Variants in CEP126 observed in about 807,000 individuals in gnomAD.
The protein encoded by CEP126 is centrosomal protein 126, also known as centrosomal protein of 126 kDa.
A neutral mutation model predicts 107.8 loss-of-function variants in CEP126; 74 were observed. The ratio of observed to expected loss-of-function variants is 0.69; its 90% confidence interval spans 0.57 to 0.83. The LOEUF (loss-of-function observed/expected upper bound fraction) is 0.83. Ranked by LOEUF, CEP126 falls within the 40% of genes least tolerant of loss-of-function variation. The pLI is 0.00. For missense variants in CEP126, 1,237 were observed against 1,281.9 expected (o/e 0.96, Z 0.53); for synonymous variants, 449 against 446.0 (o/e 1.01, Z -0.08).
At chr11:101,992,498 G>GAAA (rs1941397007) in intron 9 of CEP126, among the ~76,000 whole-genome samples, 1 of 151,804 alleles carries the variant, frequency 6.6e-6, no homozygotes, top group Admixed American at 6.6e-5. Flanking sequence ...GAGAAAGAAA[G>GAAA]AAAACGTAAT....
chr11:101,951,401 A>T (rs1486483980), intron 4 of CEP126, among the ~76,000 whole-genome samples: 1 of 152,040 alleles, frequency 6.6e-6, no homozygotes, highest in Non-Finnish European at 1.5e-5. Flanking sequence ...AGCTCTAGCT[A>T]CTCGAGGAGA....
rs757926755 is a variant in CEP126 at position 101,961,837 on chromosome 11, C to T, written c.802C>T (p.Leu268Phe). ...AGAGCATGAAGAAATATATTTAACA[C>T]TTAATAAGGAGCATTCCACATCCAT... ...ATEHEEIYLTLNKEHSTSIQR... is the reference protein window; with the variant it reads ...ATEHEEIYLTFNKEHSTSIQR... Residue 268 changes from leucine (L) to phenylalanine (F), a missense_variant, in exon 6 of 11, where the codon CTT becomes TTT. Physicochemically the swap from Leu to Phe is conservative, Grantham distance 22. This residue lies in a region of CEP126 where 1,134 missense variants were observed against 1,150.5 expected (regional missense o/e 0.99). Transcript: ENST00000263468. The T allele has an allele frequency of 4.5e-5, 72 of 1,610,674 alleles. No homozygotes were observed. The highest frequency in any genetic ancestry group is 6.0e-5 in the Non-Finnish European group (71 of 1,177,428).
rs2137111923 is a variant in CEP126 at position 101,962,237 on chromosome 11, C to G, written c.1202C>G (p.Ala401Gly). 6.2e-7 allele frequency: 1 copy of G among 1,613,928 alleles called. No homozygotes were observed. The highest frequency in any genetic ancestry group is 2.2e-5 in the East Asian group (1 of 44,864). Reference protein sequence around the residue: ...TMRTTDSTSGAFKRERPLVTE... With the variant: ...TMRTTDSTSGGFKRERPLVTE... ...AGGACAACTGACTCCACTTCTGGAG[C>G]ATTCAAAAGAGAGAGACCATTAGTT... is the stretch of plus-strand genomic sequence containing the variant. The change falls in exon 6 of 11, where the codon GCA (alanine) becomes GGA (glycine). Residue 401 changes from alanine (A) to glycine (G), a missense_variant. Ala to Gly is a moderately conservative substitution (Grantham distance 60, BLOSUM62 0). This residue lies in a region of CEP126 where 1,134 missense variants were observed against 1,150.5 expected (regional missense o/e 0.99). Transcript: ENST00000263468.
chr11:101,927,996 C>T (rs755844098), intron 2 of CEP126, among the ~76,000 whole-genome samples: 2 of 152,096 alleles, frequency 1.3e-5, no homozygotes, highest in Non-Finnish European at 2.9e-5. Context: ...AGAGTATAAG[C>T]GTGATCCAGC....
intron 7 of CEP126, among the ~76,000 whole-genome samples, chr11:101,980,744 GC>G (rs1278401375): frequency 1.3e-5 from 2 of 152,122 alleles, no homozygotes; most frequent in African/African-American, 2.4e-5. Flanking sequence ...ATTTTCTCCA[GC>G]CCATGACATC....
Position 101,929,391 on chromosome 11 carries a change from G to C in CEP126, c.248+6631G>C, listed in dbSNP as rs534896044. 4.6e-5 allele frequency among the ~76,000 whole-genome samples: 7 copies of C among 152,268 alleles called. No homozygotes were observed. The South Asian group carries it at 1.5e-3, about 32-fold the overall frequency. ...GACACTGCTCTAGCAGGGGAAGAAA[G>C]GATGCAGCCTCATTACAGACAGTTG... On this transcript the variant is annotated intron_variant, in intron 2 of 10. Transcript: ENST00000263468.
intron 8 of CEP126, 141 bp from the exon 9 acceptor site, chr11:101,986,691 G>T: frequency 1.7e-6 from 1 of 578,044 alleles, no homozygotes. Flanking sequence ...TGAAATCAAA[G>T]TAGCAGATAT....
intron 6 of CEP126, among the ~76,000 whole-genome samples, chr11:101,964,547 T>G (rs1229307559): frequency 6.6e-6 from 1 of 151,740 alleles, no homozygotes; most frequent in African/African-American, 2.4e-5. Flanking sequence ...GGAGAATTGC[T>G]TGAACCCAGA....
At chr11:101,945,438 A>G (rs1940721325) in intron 3 of CEP126, among the ~76,000 whole-genome samples, 1 of 152,354 alleles carries the variant, frequency 6.6e-6, no homozygotes, top group Non-Finnish European at 1.5e-5. Context: ...CAGGAATTTC[A>G]TCTTTATGCA....
intron 2 of CEP126, among the ~76,000 whole-genome samples, chr11:101,940,026 G>T (rs1940642510): frequency 6.6e-6 from 1 of 151,980 alleles, no homozygotes; most frequent in Non-Finnish European, 1.5e-5. Flanking sequence ...CTAGATAAAT[G>T]TAAATTGTTC....
At chr11:101,971,952 T>C (rs1230130117) in intron 6 of CEP126, among the ~76,000 whole-genome samples, 2 of 151,702 alleles carry the variant, frequency 1.3e-5, no homozygotes, top group African/African-American at 4.8e-5. Context: ...CTACTAAAAA[T>C]TTAAAAATTA....
intron 4 of CEP126, among the ~76,000 whole-genome samples, chr11:101,957,752 G>A (rs575993762): frequency 3.9e-4 from 60 of 152,196 alleles, no homozygotes; most frequent in Admixed American, 8.5e-4. Context: ...TAGGGTTACA[G>A]TTTTTTCCTA....
chr11:101,977,657 A>AAAAGG (rs1941207718), intron 6 of CEP126, among the ~76,000 whole-genome samples: 1 of 151,116 alleles, frequency 6.6e-6, no homozygotes, highest in African/African-American at 2.4e-5. Context: ...AAAAGAAAAG[A>AAAAGG]AAAATAATAT....
At chr11:101,960,800 GATAA>G (rs1197519356) in intron 5 of CEP126, among the ~76,000 whole-genome samples, 17 of 151,900 alleles carry the variant, frequency 1.1e-4, no homozygotes, top group Admixed American at 1.1e-3. Flanking sequence ...TAAAATGTAT[GATAA>G]ATCTTAAGGG....
chr11:101,928,850 GT>G, intron 2 of CEP126, among the ~76,000 whole-genome samples: 1 of 152,148 alleles, frequency 6.6e-6, no homozygotes, highest in East Asian at 1.9e-4. Flanking sequence ...TTTCAGAATT[GT>G]TTTAGGTGTT....
intron 9 of CEP126, among the ~76,000 whole-genome samples, chr11:101,989,488 C>G (rs1941351675): frequency 6.6e-6 from 1 of 152,178 alleles, no homozygotes; most frequent in Admixed American, 6.5e-5. Flanking sequence ...GAACCACACA[C>G]ATATTATACG....
chr11:102,000,817 G>A lies in CEP126; in HGVS notation c.*3174G>A, dbSNP rs552677695. 6.4e-4 allele frequency: 98 copies of A among 152,148 alleles called. No homozygotes were observed. Among genetic ancestry groups the A allele is most frequent in the African/African-American group, 2.1e-3 (86 of 41,522 alleles). 9.4% of individuals were successfully genotyped at this position (152,148 alleles called of 1,614,324 possible). A position where few individuals can be genotyped will look rare whatever the true frequency, so the allele number is the denominator to read the frequency against. On this transcript the variant is annotated 3_prime_UTR_variant, in exon 11 of 11. Transcript: ENST00000263468. ...AATAACTGGTCAGAAAAATTTAGAC[G>A]GTCTTCATTTTAAAATTGGCATCAG...
rs368088830 is a variant in CEP126, at chr11:101,971,568, GTTTT to G, written c.2846-6775_2846-6772del. 5.8e-3 allele frequency among the ~76,000 whole-genome samples: 870 copies of G among 151,114 alleles called. 5 individuals carry two copies. The highest frequency in any genetic ancestry group is 0.011 in the Non-Finnish European group (732 of 67,658). On this transcript the variant is annotated intron_variant, in intron 6 of 10. Coordinates refer to ENST00000263468, the MANE Select transcript of CEP126 (RefSeq NM_020802.4). ...GGTGTTGCGTTGTTTTTGTTTGTTT[GTTTT>G]TTTAGGTGGGGACTCACTGCGTTGC...
intron 2 of CEP126, among the ~76,000 whole-genome samples, chr11:101,924,393 C>T (rs944804478): frequency 6.6e-5 from 10 of 152,038 alleles, no homozygotes; most frequent in African/African-American, 1.9e-4. Flanking sequence ...TGTCCACTTA[C>T]ATTGTGGTCA....
Sources: gnomAD v4.1 joint callset for allele counts (sites outside exome capture counted in the v4.1 genomes callset) on GRCh38, gnomAD v4.1.1 for gene constraint, gnomAD v4.1.1 regional missense constraint, MANE v1.5 for transcripts, NCBI Gene and HGNC (gene_info 2026-07-23, HGNC 2026-07-21) for gene names.